SNED1: variants seen among roughly 807,000 people sequenced by gnomAD.
SNED1 encodes the protein sushi, nidogen and EGF-like domain-containing protein 1.
SNED1 carries 81 observed loss-of-function variants against 166.7 expected under a neutral mutation model. The ratio of observed to expected loss-of-function variants is 0.49; its 90% CI spans 0.41 to 0.58. The LOEUF is 0.58. Among genes scored for constraint, SNED1 ranks in the 20% least tolerant of loss-of-function variants. The pLI, the probability that SNED1 is intolerant of heterozygous loss-of-function variation, is 0.00. For synonymous variants in SNED1, 762 were observed against 822.0 expected, an observed-to-expected ratio of 0.93 and a Z score of 1.25; for missense variants, 1,604 against 2,000.2, an observed-to-expected ratio of 0.80 and a Z score of 3.78.
chr2:241,043,427 T>C lies in SNED1; in HGVS notation c.1273+3014T>C, dbSNP rs184879708. Among the ~76,000 whole-genome samples, 183 of 152,234 alleles carry C rather than the reference T, an allele frequency of 1.2e-3. 1 individual carries two copies. Among genetic ancestry groups the C allele is most frequent in the African/African-American group, 4.3e-3 (179 of 41,524 alleles). On this transcript the variant is annotated intron_variant, in intron 8 of 31. Transcript: ENST00000310397. ...TACCAGCAAAACTACATTTCAAAAGTTAAGCTGAAATAAAGACTTTTTTAC... is the reference window on the plus strand; with the variant it reads ...TACCAGCAAAACTACATTTCAAAAGCTAAGCTGAAATAAAGACTTTTTTAC...
intron 1 of SNED1, among the ~76,000 whole-genome samples, chr2:241,014,136 G>A (rs541899251): frequency 6.6e-6 from 1 of 152,116 alleles, no homozygotes; most frequent in East Asian, 1.9e-4. Context: ...AGCCTCCCAA[G>A]TAGCTAGGAT....
chr2:241,087,816 CT>C, intron 30 of SNED1: 1 of 688,186 alleles, frequency 1.5e-6, no homozygotes, highest in Non-Finnish European at 2.1e-6. Flanking sequence ...TCGCTCTTTA[CT>C]TTTTATTCAC....
intron 5 of SNED1, 52 bp downstream of exon 5, chr2:241,036,967 A>G: frequency 1.3e-6 from 2 of 1,566,306 alleles, no homozygotes; most frequent in Non-Finnish European, 1.7e-6. Context: ...TGGGCTCAGG[A>G]GGAGCACTGT....
chr2:241,094,127 G>C lies in SNED1; in HGVS notation c.*2491G>C. 1 of 360,680 alleles carries C rather than the reference G, an allele frequency of 2.8e-6. No individual in the cohort carries two copies. The highest frequency in any genetic ancestry group is 2.1e-5 in the South Asian group (1 of 47,070). The allele number at this position is 360,680 out of a possible 1,614,324, so 22.3% of individuals were successfully genotyped here. ...AAATGTCTCATTTCCAAACAGTTTT[G>C]CCTATGGCCAAGCAAGGCAATAAAG... is the stretch of plus-strand genomic sequence containing the variant. On this transcript the variant is annotated 3_prime_UTR_variant, in exon 32 of 32. Coordinates refer to ENST00000310397, the MANE Select transcript of SNED1 (RefSeq NM_001080437.3). The surrounding 1 kb of genome is among the most constrained non-coding windows in gnomAD (Gnocchi z 4.3).
Position 241,093,136 on chromosome 2 carries a change from C to G in SNED1, c.*1500C>G, listed in dbSNP as rs948940136. 3.3e-5 allele frequency: 5 copies of G among 152,572 alleles called. No individual in the cohort carries two copies. Among genetic ancestry groups the G allele is most frequent in the African/African-American group, 1.2e-4 (5 of 41,450 alleles). 9.5% of individuals were successfully genotyped at this position (152,572 alleles called of 1,614,324 possible). A position where few individuals can be genotyped will look rare whatever the true frequency, so the allele number is the denominator to read the frequency against. ...GAACAGGCAATTCGCGAAGTTTCAC[C>G]TGTACTCCCGAGCTGTTCCCCAGGC... On this transcript the variant is annotated 3_prime_UTR_variant, in exon 32 of 32. Transcript: ENST00000310397.
At chr2:241,062,372 C>T (rs768604998) in intron 16 of SNED1, among the ~76,000 whole-genome samples, 5 of 152,146 alleles carry the variant, frequency 3.3e-5, no homozygotes, top group Non-Finnish European at 5.9e-5. Flanking sequence ...GCACAACTCC[C>T]GCTTGAAAAG....
intron 31 of SNED1, chr2:241,090,526 A>G (rs1426883420): frequency 9.1e-6 from 13 of 1,435,422 alleles, no homozygotes; most frequent in Non-Finnish European, 1.2e-5. Flanking sequence ...TATGTACTCT[A>G]CATAATTGTA....
At chr2:241,038,870 G>T (rs985712509) in intron 6 of SNED1, among the ~76,000 whole-genome samples, 2 of 152,196 alleles carry the variant, frequency 1.3e-5, no homozygotes, top group Non-Finnish European at 1.5e-5. Context: ...CCCCAAGGGT[G>T]ACTGGGCAGA....
At position 241,052,028 on chromosome 2, in the gene SNED1, C is replaced by T. The variant is rs747527786; in HGVS notation, c.1853-13C>T. ...GCAGTGGGCTGTGACCCTGACCTGG[C>T]TTCTGTTTCCAGGGAAGCCAGACTC... On this transcript the variant is annotated splice_polypyrimidine_tract_variant and intron_variant, in intron 13 of 31. Transcript: ENST00000310397. 2 of 1,611,872 alleles carry T rather than the reference C, an allele frequency of 1.2e-6. No homozygotes were observed. The highest frequency in any genetic ancestry group is 1.7e-6 in the Non-Finnish European group (2 of 1,178,310).
chr2:241,024,676 T>TTTTATTTTATTTTA (rs1466972664), intron 1 of SNED1, among the ~76,000 whole-genome samples: 1 of 150,546 alleles, frequency 6.6e-6, no homozygotes, highest in Non-Finnish European at 1.5e-5. Flanking sequence ...TTTTATTTTA[T>TTTTATTTTATTTTA]TTTATTTATT....
chr2:241,084,239 C>T (rs1181924300), intron 29 of SNED1, among the ~76,000 whole-genome samples: 1 of 150,544 alleles, frequency 6.6e-6, no homozygotes, highest in Non-Finnish European at 1.5e-5. Flanking sequence ...TGGGTTCAAG[C>T]AATTCTCCTG....
rs745576086 is a variant in SNED1 at position 241,068,969 on chromosome 2, G to A, written c.3253G>A (p.Gly1085Arg). 2 of 1,557,208 alleles carry A rather than the reference G, an allele frequency of 1.3e-6. No homozygotes were observed. The highest frequency in any genetic ancestry group is 2.4e-5 in the South Asian group (2 of 84,368). ...IQLTTLSGLR[G>R]EEHPTESLAT... Reference sequence around the variant, plus strand: ...GCTGACCACCCTCAGTGGGCTCAGGGGAGAGGAGCACCCCACAGAGAGCCT... The same window carrying A: ...GCTGACCACCCTCAGTGGGCTCAGGAGAGAGGAGCACCCCACAGAGAGCCT... The change falls in exon 23 of 32, where the codon GGA (glycine) becomes AGA (arginine). Residue 1085 changes from glycine (G) to arginine (R), a missense_variant. By Grantham distance (125) the Gly-to-Arg change is moderately radical (BLOSUM62 -2). Transcript: ENST00000310397. The surrounding 1 kb of genome is among the most constrained non-coding windows in gnomAD (Gnocchi z 5.3).
intron 1 of SNED1, among the ~76,000 whole-genome samples, chr2:241,012,698 G>A (rs1038854477): frequency 6.6e-6 from 1 of 152,100 alleles, no homozygotes; most frequent in Non-Finnish European, 1.5e-5. Flanking sequence ...ATGACGACCA[G>A]AATCGCATGA....
In SNED1 at chr2:241,094,058, C is replaced by A. The variant is rs1465400006; in HGVS notation, c.*2422C>A. 6.1e-6 allele frequency: 2 copies of A among 328,230 alleles called. No individual in the cohort carries two copies. Among genetic ancestry groups the A allele is most frequent in the East Asian group, 8.4e-5 (1 of 11,936 alleles). The allele number at this position is 328,230 out of a possible 1,614,324, so 20.3% of individuals were successfully genotyped here. A position where few individuals can be genotyped will look rare whatever the true frequency, so the allele number is the denominator to read the frequency against. ...AGGTTCTAGGGAGGGTGGCAGTGAC[C>A]GGGATGCCACAATGGAAGAGAAAAT... On this transcript the variant is annotated 3_prime_UTR_variant, in exon 32 of 32. Coordinates refer to ENST00000310397, the MANE Select transcript of SNED1 (RefSeq NM_001080437.3). This position sits in a 1 kb window ranked among gnomAD's most constrained non-coding sequence, Gnocchi z 4.3.
Position 241,062,855 on chromosome 2 carries a change from G to T in SNED1, c.2322G>T (p.Gly774=), listed in dbSNP as rs1422064350. 1.9e-6 allele frequency: 3 copies of T among 1,611,198 alleles called. No individual in the cohort carries two copies. The highest frequency in any genetic ancestry group is 2.7e-5 in the African/African-American group (2 of 74,936). Residue 774 remains glycine (G), a synonymous_variant, in exon 17 of 32, where the codon GGG becomes GGT. Coordinates refer to ENST00000310397, the MANE Select transcript of SNED1 (RefSeq NM_001080437.3). ...GCTCTTGTCAGGACCGCGTTGCTGG[G>T]TACCTGTGCCTCTGCAGCACAGGCT... ...HGGSCQDRVA[G]YLCLCSTGYE...
Position 241,069,035 on chromosome 2 carries a change from A to G in SNED1, c.3307+12A>G. 1 of 1,533,726 alleles carries G rather than the reference A, an allele frequency of 6.5e-7. No homozygotes were observed. The highest frequency in any genetic ancestry group is 8.8e-7 in the Non-Finnish European group (1 of 1,133,924). On this transcript the variant is annotated intron_variant, in intron 23 of 31. Transcript: ENST00000310397. The surrounding 1 kb of genome is among the most constrained non-coding windows in gnomAD (Gnocchi z 4.9). ...GCACGTGTGGACCCGTGAGTAGAGC[A>G]GCGCGGCCCCCGGCACACGAAAGGC...
chr2:241,027,111 C>T (rs931871984), intron 1 of SNED1, among the ~76,000 whole-genome samples: 2 of 151,070 alleles, frequency 1.3e-5, no homozygotes, highest in Non-Finnish European at 1.5e-5. Flanking sequence ...GACAGGGTCT[C>T]ACTCTGTCAC....
At position 241,052,483 on chromosome 2, in the gene SNED1, G is replaced by A. The variant is rs768182829; in HGVS notation, c.2083+15G>A. 5.7e-6 allele frequency: 9 copies of A among 1,586,388 alleles called. No homozygotes were observed. Among genetic ancestry groups the A allele is most frequent in the Non-Finnish European group, 6.9e-6 (8 of 1,159,556 alleles). ...GTGCCAGGCAGGTGAGAGGGTCAGG[G>A]GGATCAAGCAGGGTACATGGGATAC... On this transcript the variant is annotated intron_variant, in intron 15 of 31. Coordinates refer to ENST00000310397, the MANE Select transcript of SNED1 (RefSeq NM_001080437.3).
intron 2 of SNED1, among the ~76,000 whole-genome samples, chr2:241,032,561 C>G (rs1290395373): frequency 6.6e-6 from 1 of 151,946 alleles, no homozygotes; most frequent in Non-Finnish European, 1.5e-5. Flanking sequence ...GTGCAGCACA[C>G]CAACATGGCA....
Sources: gnomAD v4.1 joint callset for allele counts (sites outside exome capture counted in the v4.1 genomes callset) on GRCh38, gnomAD v4.1.1 for gene constraint, Gnocchi (gnomAD v3.1) non-coding constraint, MANE v1.5 for transcripts, NCBI Gene and HGNC (gene_info 2026-07-23, HGNC 2026-07-21) for gene names.